ANKRD44: variants seen among roughly 807,000 people sequenced by gnomAD.
ANKRD44 encodes ankyrin repeat domain 44.
Under a neutral mutation model 116.0 loss-of-function variants are expected in ANKRD44, and 35 were observed. The ratio of observed to expected loss-of-function variants is 0.30; its 90% CI spans 0.23 to 0.40. The LOEUF is 0.40. Among genes scored for constraint, ANKRD44 ranks in the 10% least tolerant of loss-of-function variants. ANKRD44 has a pLI of 1.00. For synonymous variants in ANKRD44, 435 were observed against 461.8 expected (o/e 0.94, Z 0.74); for missense variants, 1,014 against 1,242.6 (o/e 0.82, Z 2.77).
At chr2:196,985,750 C>G (rs143369009), downstream of ANKRD44, among the ~76,000 whole-genome samples, 1 of 152,250 alleles carries the variant, frequency 6.6e-6, no homozygotes, top group East Asian at 1.9e-4. Flanking sequence ...GGCACCACCC[C>G]CAAGTCTCTT....
At chr2:197,258,333 G>A (rs1277971717) in intron 1 of ANKRD44, among the ~76,000 whole-genome samples, 1 of 134,970 alleles carries the variant, frequency 7.4e-6, no homozygotes, top group South Asian at 2.4e-4. Context: ...ATGCTGGCCA[G>A]GCTGGTCTCG....
In ANKRD44 at chr2:197,212,228, T is replaced by A; in HGVS notation, c.28-25122A>T. Among the ~76,000 whole-genome samples the A allele has an allele frequency of 6.6e-6, 1 of 152,124 alleles. No individual in the cohort carries two copies. Among genetic ancestry groups the A allele is most frequent in the East Asian group, 1.9e-4 (1 of 5,186 alleles). Reference sequence around the variant, plus strand: ...TGCAACCAGGCAGATAGGGATCCAGTGGGAGCACACTGGCACCAAACACGA... The same window carrying A: ...TGCAACCAGGCAGATAGGGATCCAGAGGGAGCACACTGGCACCAAACACGA... On this transcript the variant is annotated intron_variant, in intron 1 of 27. Coordinates refer to ENST00000282272, the MANE Select transcript of ANKRD44 (RefSeq NM_001195144.2). This position sits in a 1 kb window ranked among gnomAD's most constrained non-coding sequence, Gnocchi z 4.8.
At chr2:196,985,716 T>G (rs1347398273), downstream of ANKRD44, among the ~76,000 whole-genome samples, 1 of 152,202 alleles carries the variant, frequency 6.6e-6, no homozygotes, top group African/African-American at 2.4e-5. Context: ...CATTCTATAC[T>G]ACTTGATTTG....
chr2:197,239,253 C>T (rs1324996211), intron 1 of ANKRD44, among the ~76,000 whole-genome samples: 3 of 152,028 alleles, frequency 2.0e-5, no homozygotes, highest in Non-Finnish European at 2.9e-5. Context: ...AAAAATTGTC[C>T]TTTTTTCTCT....
intron 2 of ANKRD44, among the ~76,000 whole-genome samples, chr2:197,155,112 T>A (rs1459786094): frequency 6.6e-6 from 1 of 152,212 alleles, no homozygotes; most frequent in East Asian, 1.9e-4. Flanking sequence ...CACTGGATAT[T>A]TTATTGCACT....
chr2:197,284,881 A>G (rs2083366119), intron 1 of ANKRD44, among the ~76,000 whole-genome samples: 1 of 116,888 alleles, frequency 8.6e-6, no homozygotes, highest in Non-Finnish European at 2.0e-5. Flanking sequence ...GCAAGACTCC[A>G]TCTCAAAAAA....
intron 3 of ANKRD44, among the ~76,000 whole-genome samples, chr2:197,139,018 G>A (rs1226853364): frequency 1.3e-5 from 2 of 152,146 alleles, no homozygotes; most frequent in Non-Finnish European, 2.9e-5. Flanking sequence ...AAATGATAAA[G>A]TGTGACGAGG....
intron 1 of ANKRD44, among the ~76,000 whole-genome samples, chr2:197,289,916 A>G (rs1043197895): frequency 1.7e-4 from 26 of 150,678 alleles, no homozygotes; most frequent in Non-Finnish European, 3.4e-4. Context: ...ACCCAGGCTG[A>G]GTGCAGTGGC....
At chr2:197,066,885 T>G (rs2077444885) in intron 16 of ANKRD44, among the ~76,000 whole-genome samples, 1 of 152,074 alleles carries the variant, frequency 6.6e-6, no homozygotes, top group Non-Finnish European at 1.5e-5. Flanking sequence ...TTCAATGCCA[T>G]CCCCATCAAG....
Position 196,988,669 on chromosome 2 carries a change from A to G in ANKRD44, c.*922T>C. The G allele has an allele frequency of 8.1e-6, 8 of 985,372 alleles. No homozygotes were observed. The highest frequency in any genetic ancestry group is 9.6e-6 in the Non-Finnish European group (8 of 829,864). 61.0% of individuals were successfully genotyped at this position (985,372 alleles called of 1,614,324 possible). On this transcript the variant is annotated 3_prime_UTR_variant, in exon 28 of 28. Transcript: ENST00000282272. ...ATCTCACATACACTATAAAATAGCA[A>G]TTTCCAGGGTGGAAATGGAACTCAT...
intron 1 of ANKRD44, among the ~76,000 whole-genome samples, chr2:197,274,003 A>C (rs866722029): frequency 1.9e-4 from 15 of 77,114 alleles, no homozygotes; most frequent in Admixed American, 4.5e-4. Flanking sequence ...ATATATATAT[A>C]TATATATATA....
At chr2:197,045,540 C>T (rs1574341641) in intron 16 of ANKRD44, among the ~76,000 whole-genome samples, 1 of 150,288 alleles carries the variant, frequency 6.7e-6, no homozygotes, top group African/African-American at 2.4e-5. Flanking sequence ...CTGTTATTCA[C>T]TCATAGCCTA....
At chr2:197,186,306 A>T (rs1272632982) in intron 2 of ANKRD44, among the ~76,000 whole-genome samples, 1 of 152,142 alleles carries the variant, frequency 6.6e-6, no homozygotes, top group Non-Finnish European at 1.5e-5. Flanking sequence ...GCCATAAACC[A>T]CAGTAGCAAC....
chr2:197,186,634 T>C (rs982010306), intron 2 of ANKRD44, among the ~76,000 whole-genome samples: 1 of 110,376 alleles, frequency 9.1e-6, no homozygotes, highest in African/African-American at 5.2e-5. Flanking sequence ...TTTTTTTTTT[T>C]TTTTTTTTTT....
At chr2:197,297,259 A>G (rs2083750445) in intron 1 of ANKRD44, among the ~76,000 whole-genome samples, 1 of 152,208 alleles carries the variant, frequency 6.6e-6, no homozygotes, top group Non-Finnish European at 1.5e-5. Flanking sequence ...TACAATTCAT[A>G]CCGAAGTATG....
chr2:197,112,850 TAG>T lies in ANKRD44; in HGVS notation c.907-2008_907-2007del, dbSNP rs200478053. ...CCCTGCTTTGGACTGTGGGCTAAAA[TAG>T]GTTATAAAACCAAGGTTTTAACACA... On this transcript the variant is annotated intron_variant, in intron 8 of 27. Coordinates refer to ENST00000282272, the MANE Select transcript of ANKRD44 (RefSeq NM_001195144.2). Among the ~76,000 whole-genome samples the T allele has an allele frequency of 7.5e-3, 1,145 of 152,068 alleles. 17 individuals are homozygous for T. Among genetic ancestry groups the T allele is most frequent in the African/African-American group, 0.025 (1,034 of 41,516 alleles).
At chr2:197,138,844 G>A (rs2079285407) in intron 3 of ANKRD44, among the ~76,000 whole-genome samples, 1 of 152,088 alleles carries the variant, frequency 6.6e-6, no homozygotes, top group South Asian at 2.1e-4. Context: ...ATAGTCTTTG[G>A]CAGAGTAAAT....
intron 9 of ANKRD44, among the ~76,000 whole-genome samples, chr2:197,102,465 T>C (rs561235309): frequency 6.6e-6 from 1 of 152,334 alleles, no homozygotes; most frequent in Admixed American, 6.5e-5. Flanking sequence ...CCTTATAGCC[T>C]TGTCAAGCTT....
chr2:197,238,588 C>A (rs1224491831), intron 1 of ANKRD44, among the ~76,000 whole-genome samples: 1 of 152,048 alleles, frequency 6.6e-6, no homozygotes, highest in Non-Finnish European at 1.5e-5. Flanking sequence ...ATAACAGTGG[C>A]TTAATCAAGA....
Sources: allele counts gnomAD v4.1 joint callset (sites outside exome capture counted in the v4.1 genomes callset), GRCh38; gene constraint gnomAD v4.1.1; non-coding constraint Gnocchi (gnomAD v3.1); transcripts MANE v1.5; gene names NCBI Gene and HGNC (gene_info 2026-07-23, HGNC 2026-07-21).